GRIP1: variants seen among roughly 807,000 people sequenced by gnomAD.
The protein encoded by GRIP1 is glutamate receptor-interacting protein 1.
A neutral mutation model predicts 129.9 loss-of-function variants in GRIP1; 45 were observed. That is an observed-to-expected ratio of 0.35 (90% CI 0.27 to 0.44). GRIP1 has a LOEUF of 0.44. Ranked by LOEUF, GRIP1 falls within the 20% of genes least tolerant of loss-of-function variation. The probability of loss-of-function intolerance (pLI) is 1.00; values close to 1 mark genes in which losing one functional copy is unlikely to be tolerated. For synonymous variants in GRIP1, 530 were observed against 520.8 expected (o/e 1.02, Z -0.24); for missense variants, 1,196 against 1,396.8 (o/e 0.86, Z 2.29).
At chr12:66,977,282 A>C (rs2042167386) in intron 1 of GRIP1, among the ~76,000 whole-genome samples, 2 of 149,736 alleles carry the variant, frequency 1.3e-5, no homozygotes, top group Non-Finnish European at 3.0e-5. Context: ...GTTTTAGGGT[A>C]CAGGTGCAGG....
chr12:66,886,929 G>C (rs1290380844), intron 1 of GRIP1, among the ~76,000 whole-genome samples: 1 of 152,108 alleles, frequency 6.6e-6, no homozygotes, highest in Non-Finnish European at 1.5e-5. Flanking sequence ...AGGAATTTTT[G>C]CAAGATCACA....
At chr12:66,401,469 C>G (rs2056984942) in intron 16 of GRIP1, among the ~76,000 whole-genome samples, 2 of 151,592 alleles carry the variant, frequency 1.3e-5, no homozygotes, top group Admixed American at 1.3e-4. Flanking sequence ...ATCCCAGCTA[C>G]TTGGGAGGCT....
At chr12:66,881,240 TAG>T (rs2040473677) in intron 1 of GRIP1, among the ~76,000 whole-genome samples, 1 of 152,110 alleles carries the variant, frequency 6.6e-6, no homozygotes, top group African/African-American at 2.4e-5. Flanking sequence ...GGTGGCAGTG[TAG>T]AGCTTCCTTT....
chr12:66,608,685 T>A (rs1163708892), intron 1 of GRIP1, among the ~76,000 whole-genome samples: 4 of 152,120 alleles, frequency 2.6e-5, no homozygotes, highest in Admixed American at 2.6e-4. Flanking sequence ...TCACTAGAGT[T>A]TTACTGTACT....
chr12:66,744,874 A>T (rs1397194529), intron 1 of GRIP1, among the ~76,000 whole-genome samples: 2 of 152,194 alleles, frequency 1.3e-5, no homozygotes, highest in Non-Finnish European at 2.9e-5. Context: ...TACTGCTGAC[A>T]TTTACTAAAT....
chr12:67,068,239 C>T (rs1300348569), intron 1 of GRIP1, among the ~76,000 whole-genome samples: 1 of 152,188 alleles, frequency 6.6e-6, no homozygotes, highest in Non-Finnish European at 1.5e-5. Flanking sequence ...CTTCAACTTT[C>T]CTCTCCGCAA....
At position 66,545,689 on chromosome 12, in the gene GRIP1, C is replaced by A. The variant is rs553691465; in HGVS notation, c.137-3739G>T. ...TGTTTGAGGCATTGGAGATACAACA[C>A]TGAACAAAATGGATACTATTCCTGC... On this transcript the variant is annotated intron_variant, in intron 2 of 24. Transcript: ENST00000359742. Among the ~76,000 whole-genome samples, 108 of 152,164 alleles carry A rather than the reference C, an allele frequency of 7.1e-4. 1 individual carries two copies. Among genetic ancestry groups the A allele is most frequent in the Admixed American group, 3.2e-3 (49 of 15,262 alleles).
intron 15 of GRIP1, among the ~76,000 whole-genome samples, chr12:66,408,110 T>C (rs376156167): frequency 3.3e-5 from 5 of 152,220 alleles, no homozygotes; most frequent in Non-Finnish European, 7.4e-5. Context: ...CAAGGGAACC[T>C]GCTGCCTTGA....
At chr12:67,041,264 G>A (rs999588692) in intron 1 of GRIP1, among the ~76,000 whole-genome samples, 1 of 151,488 alleles carries the variant, frequency 6.6e-6, no homozygotes, top group Admixed American at 6.6e-5. Flanking sequence ...ATATACATGT[G>A]TATATATCCA....
At chr12:66,822,173 C>A (rs781681712) in intron 1 of GRIP1, among the ~76,000 whole-genome samples, 1 of 152,212 alleles carries the variant, frequency 6.6e-6, no homozygotes, top group Admixed American at 6.5e-5. Flanking sequence ...TTGCAACACA[C>A]GTAGAAGCAG....
At chr12:66,620,170 C>T (rs1024716317) in intron 1 of GRIP1, among the ~76,000 whole-genome samples, 7 of 152,158 alleles carry the variant, frequency 4.6e-5, no homozygotes, top group Admixed American at 3.3e-4. Flanking sequence ...CTCCACACAT[C>T]CTGAAGAATA....
intron 1 of GRIP1, among the ~76,000 whole-genome samples, chr12:66,930,554 C>G (rs1368504535): frequency 2.0e-5 from 3 of 151,956 alleles, no homozygotes; most frequent in Non-Finnish European, 2.9e-5. Context: ...GTGAATAATG[C>G]CGCAATAAAC....
In GRIP1 at chr12:66,451,383, G is replaced by GGTTTTTTTTT. The variant is rs1565751885; in HGVS notation, c.1354+4025_1354+4026insAAAAAAAAAC. ...CCCCAAAGATTTATTATTATAATCT[G>GGTTTTTTTTT]TTTTTTTTTTTTTTTTTTTTTTTTT... is the stretch of plus-strand genomic sequence containing the variant. On this transcript the variant is annotated intron_variant, in intron 11 of 24. Transcript: ENST00000359742. 2.6e-4 allele frequency among the ~76,000 whole-genome samples: 11 copies of GGTTTTTTTTT among 42,650 alleles called. 4 individuals carry two copies. The highest frequency in any genetic ancestry group is 1.7e-4 in the Non-Finnish European group (4 of 23,900). The allele number at this position is 42,650 out of a possible 152,430, so 28.0% of individuals were successfully genotyped here.
At position 66,725,139 on chromosome 12, in the gene GRIP1, A is replaced by G. The variant is rs139465288; in HGVS notation, c.-420+78914T>C. Among the ~76,000 whole-genome samples the G allele has an allele frequency of 3.2e-3, 481 of 152,114 alleles. 2 individuals are homozygous for G. Among genetic ancestry groups the G allele is most frequent in the African/African-American group, 0.011 (451 of 41,468 alleles). ...AAACCCCAGCTTTACAACAAATTAA[A>G]AACAAAAACAAAAACAGCTGGACAT... On this transcript the variant is annotated intron_variant, in intron 1 of 4. Coordinates refer to the GRIP1 transcript ENST00000538373.
chr12:67,065,889 A>C (rs923642144), intron 1 of GRIP1, among the ~76,000 whole-genome samples: 4 of 152,264 alleles, frequency 2.6e-5, no homozygotes, highest in African/African-American at 9.6e-5. Flanking sequence ...TGGAAGAGAT[A>C]TCAAACAGGA....
chr12:66,463,589 C>A (rs745884594), intron 8 of GRIP1, among the ~76,000 whole-genome samples: 8 of 152,136 alleles, frequency 5.3e-5, no homozygotes, highest in Non-Finnish European at 1.0e-4. Flanking sequence ...GGAATCCTCA[C>A]ACAAACTCCA....
chr12:66,681,339 T>A (rs2034576639), upstream of GRIP1, among the ~76,000 whole-genome samples: 1 of 152,126 alleles, frequency 6.6e-6, no homozygotes, highest in South Asian at 2.1e-4. Flanking sequence ...AAACCCTTTG[T>A]CCTCCCTTTG....
chr12:67,028,521 C>T (rs1406253638), intron 1 of GRIP1, among the ~76,000 whole-genome samples: 1 of 152,056 alleles, frequency 6.6e-6, no homozygotes, highest in African/African-American at 2.4e-5. Flanking sequence ...GCATCCGTGC[C>T]CATATTATTT....
intron 2 of GRIP1, among the ~76,000 whole-genome samples, chr12:66,543,104 C>T (rs2061836577): frequency 6.6e-6 from 1 of 151,986 alleles, no homozygotes; most frequent in Non-Finnish European, 1.5e-5. Flanking sequence ...AATGAAATTA[C>T]ATTAGGTAAG....
Sources: allele counts gnomAD v4.1 joint callset (sites outside exome capture counted in the v4.1 genomes callset), GRCh38; gene constraint gnomAD v4.1.1; transcripts MANE v1.5; gene names NCBI Gene and HGNC (gene_info 2026-07-23, HGNC 2026-07-21).